Variants in SH3D19 observed in about 807,000 individuals in gnomAD.
The protein encoded by SH3D19 is SH3 domain containing 19, also known as SH3 domain-containing protein 19.
In SH3D19, 58 loss-of-function variants were observed where a neutral mutation model predicts 112.1. That is an observed-to-expected ratio of 0.52 (90% CI 0.42 to 0.64). SH3D19 has a LOEUF of 0.64. Ranked by LOEUF, SH3D19 falls within the 30% of genes least tolerant of loss-of-function variation. The probability of loss-of-function intolerance (pLI) is 0.00; values close to 1 mark genes in which losing one functional copy is unlikely to be tolerated. For synonymous variants in SH3D19, 391 were observed against 448.5 expected (o/e 0.87, Z 1.62); for missense variants, 1,090 against 1,263.4 (o/e 0.86, Z 2.08).
At chr4:151,259,000 G>A (rs998294727) in intron 1 of SH3D19, among the ~76,000 whole-genome samples, 1 of 152,114 alleles carries the variant, frequency 6.6e-6, no homozygotes, top group Non-Finnish European at 1.5e-5. Context: ...AGGCTGCACA[G>A]GGCATGGGTG....
intron 2 of SH3D19, among the ~76,000 whole-genome samples, chr4:151,190,040 C>T (rs1762389819): frequency 2.0e-5 from 3 of 152,076 alleles, no homozygotes; most frequent in African/African-American, 7.2e-5. Context: ...AGATGAGGAA[C>T]TTGTTGGGAA....
At chr4:151,132,773 T>C (rs561266350) in intron 16 of SH3D19, among the ~76,000 whole-genome samples, 1 of 152,282 alleles carries the variant, frequency 6.6e-6, no homozygotes, top group East Asian at 1.9e-4. Context: ...AGTGTTGGAA[T>C]TACAGGTCTG....
At chr4:151,148,835 C>T (rs571000206) in intron 10 of SH3D19, among the ~76,000 whole-genome samples, 1 of 151,810 alleles carries the variant, frequency 6.6e-6, no homozygotes, top group East Asian at 1.9e-4. Context: ...GTCATGAGAT[C>T]GAGAACATCC....
intron 2 of SH3D19, among the ~76,000 whole-genome samples, chr4:151,208,469 C>A (rs1212647231): frequency 6.6e-6 from 1 of 152,158 alleles, no homozygotes; most frequent in East Asian, 1.9e-4. Flanking sequence ...CTCCTGAGTT[C>A]AAGAGATTCT....
chr4:151,256,009 A>AGAGGGG (rs1382006056), intron 1 of SH3D19, among the ~76,000 whole-genome samples: 8 of 63,314 alleles, frequency 1.3e-4, no homozygotes, highest in African/African-American at 3.4e-4. Flanking sequence ...CCGTGGAAAG[A>AGAGGGG]GAGGGGGAGA....
intron 2 of SH3D19, among the ~76,000 whole-genome samples, chr4:151,224,076 G>A (rs1037262066): frequency 6.6e-6 from 1 of 152,148 alleles, no homozygotes; most frequent in Admixed American, 6.5e-5. Context: ...TTGGGAGGCC[G>A]AGGCAGGTGG....
chr4:151,201,452 C>T lies in SH3D19; in HGVS notation c.153-13989G>A, dbSNP rs6812638. 3.4e-3 allele frequency among the ~76,000 whole-genome samples: 512 copies of T among 152,238 alleles called. 4 individuals carry two copies. Among genetic ancestry groups the T allele is most frequent in the African/African-American group, 0.011 (475 of 41,536 alleles). On this transcript the variant is annotated intron_variant, in intron 2 of 19. Coordinates refer to ENST00000604030, the MANE Select transcript of SH3D19 (RefSeq NM_001378122.1). The stretch of plus-strand genomic sequence containing the variant: ...GCTATTATTTCCCGAGTGTTTTCTA[C>T]GTTCCAGAAATTTTCCTAGGTGCTG...
At chr4:151,293,944 G>A (rs936467744) in intron 1 of SH3D19, among the ~76,000 whole-genome samples, 3 of 152,130 alleles carry the variant, frequency 2.0e-5, no homozygotes, top group South Asian at 2.1e-4. Context: ...AATTCTTACT[G>A]TGCCTTCAGA....
intron 1 of SH3D19, among the ~76,000 whole-genome samples, chr4:151,232,223 C>G (rs1422397133): frequency 6.6e-6 from 1 of 152,180 alleles, no homozygotes; most frequent in Non-Finnish European, 1.5e-5. Context: ...CAGACTATCT[C>G]TGGAATGTTT....
At chr4:151,254,817 G>A (rs1440362249) in intron 1 of SH3D19, among the ~76,000 whole-genome samples, 3 of 151,714 alleles carry the variant, frequency 2.0e-5, no homozygotes, top group Admixed American at 1.3e-4. Flanking sequence ...ATCCTGGCCC[G>A]TTCTCAATGA....
intron 1 of SH3D19, among the ~76,000 whole-genome samples, chr4:151,239,481 A>C (rs1770389826): frequency 6.6e-6 from 1 of 152,208 alleles, no homozygotes; most frequent in Non-Finnish European, 1.5e-5. Flanking sequence ...AAGGCTTCAA[A>C]AATTTTTTAT....
intron 1 of SH3D19, among the ~76,000 whole-genome samples, chr4:151,234,843 G>T (rs1191017324): frequency 2.0e-5 from 3 of 148,596 alleles, no homozygotes; most frequent in African/African-American, 7.5e-5. Context: ...GACCTCCTGG[G>T]CTCAGGAGAT....
chr4:151,205,002 A>G (rs970352733), intron 2 of SH3D19, among the ~76,000 whole-genome samples: 4 of 151,906 alleles, frequency 2.6e-5, no homozygotes, highest in Admixed American at 6.6e-5. Flanking sequence ...TACATTTTTA[A>G]TAGAGACAGG....
intron 1 of SH3D19, among the ~76,000 whole-genome samples, chr4:151,315,921 T>C (rs1729938757): frequency 6.6e-6 from 1 of 152,206 alleles, no homozygotes; most frequent in South Asian, 2.1e-4. Flanking sequence ...CTTCCTTCAC[T>C]TTCTACAGTA....
intron 1 of SH3D19, among the ~76,000 whole-genome samples, chr4:151,235,312 T>C (rs963502913): frequency 6.6e-6 from 1 of 152,170 alleles, no homozygotes; most frequent in African/African-American, 2.4e-5. Context: ...GGGTTTTTAA[T>C]AAAGGTCATA....
intron 17 of SH3D19, among the ~76,000 whole-genome samples, chr4:151,129,774 C>T (rs987120971): frequency 6.6e-6 from 1 of 152,186 alleles, no homozygotes; most frequent in Admixed American, 6.5e-5. Flanking sequence ...TGAGGCTCAG[C>T]TTCATCTTGG....
intron 1 of SH3D19, among the ~76,000 whole-genome samples, chr4:151,271,456 T>C (rs1270784206): frequency 6.6e-6 from 1 of 152,212 alleles, no homozygotes; most frequent in African/African-American, 2.4e-5. Flanking sequence ...ACAGCAGTGG[T>C]TCTCCCAGGG....
At chr4:151,155,360 T>C (rs1755903033) in intron 9 of SH3D19, among the ~76,000 whole-genome samples, 1 of 152,208 alleles carries the variant, frequency 6.6e-6, no homozygotes, top group Non-Finnish European at 1.5e-5. Flanking sequence ...AAATTTTAAT[T>C]CATTCTTCAG....
chr4:151,313,848 C>T (rs990664824), intron 1 of SH3D19, among the ~76,000 whole-genome samples: 1 of 152,136 alleles, frequency 6.6e-6, no homozygotes, highest in African/African-American at 2.4e-5. Context: ...CAAGATAAGA[C>T]AGGATCATTT....
Sources: gnomAD v4.1 joint callset for allele counts (sites outside exome capture counted in the v4.1 genomes callset) on GRCh38, gnomAD v4.1.1 for gene constraint, MANE v1.5 for transcripts, NCBI Gene and HGNC (gene_info 2026-07-23, HGNC 2026-07-21) for gene names.